The following CFAP44 variants were observed in gnomAD, a reference collection of about 807,000 sequenced individuals.
CFAP44 encodes the protein cilia and flagella associated protein 44.
Under a neutral mutation model 216.2 loss-of-function variants are expected in CFAP44, and 134 were observed. That is an observed-to-expected ratio of 0.62 (90% CI 0.54 to 0.72). The LOEUF (loss-of-function observed/expected upper bound fraction) is 0.72. CFAP44 is among the 30% of genes least tolerant of loss of function. The probability of loss-of-function intolerance (pLI) is 0.00; values close to 1 mark genes in which losing one functional copy is unlikely to be tolerated. For synonymous variants in CFAP44, 700 were observed against 727.6 expected (o/e 0.96, Z 0.61); for missense variants, 2,035 against 2,182.1 (o/e 0.93, Z 1.34).
intron 6 of CFAP44, among the ~76,000 whole-genome samples, chr3:113,412,954 C>T (rs1934531867): frequency 6.6e-6 from 1 of 152,176 alleles, no homozygotes; most frequent in Non-Finnish European, 1.5e-5. Context: ...GCCATACTGT[C>T]TTCAACAATG....
intron 15 of CFAP44, among the ~76,000 whole-genome samples, chr3:113,385,724 C>T (rs1933632801): frequency 6.6e-6 from 1 of 152,046 alleles, no homozygotes; most frequent in Non-Finnish European, 1.5e-5. Flanking sequence ...ACTGAAACCT[C>T]TGCCTCCCGG....
intron 26 of CFAP44, among the ~76,000 whole-genome samples, chr3:113,329,355 C>T (rs551495904): frequency 8.5e-5 from 13 of 152,122 alleles, no homozygotes; most frequent in Non-Finnish European, 1.6e-4. Flanking sequence ...GAAGTCATTA[C>T]TGGTAGAAGG....
At position 113,401,295 on chromosome 3, in the gene CFAP44, A is replaced by C. The variant is rs761366388; in HGVS notation, c.1327-8T>G. ...TATGGCTCCATTGGCATCCTAAAAA[A>C]ATTAAATAGTATTTTGTTTTATCAT... On this transcript the variant is annotated splice_polypyrimidine_tract_variant and splice_region_variant and intron_variant, in intron 10 of 34. Transcript: ENST00000393845. 1 of 1,578,518 alleles carries C rather than the reference A, an allele frequency of 6.3e-7. No homozygotes were observed. The highest frequency in any genetic ancestry group is 8.6e-7 in the Non-Finnish European group (1 of 1,168,856).
intron 15 of CFAP44, among the ~76,000 whole-genome samples, chr3:113,393,059 G>A (rs926375411): frequency 6.6e-6 from 1 of 152,068 alleles, no homozygotes. Flanking sequence ...TACATGGGAC[G>A]CACCCTTACC....
At chr3:113,424,276 A>C (rs541131097) in intron 4 of CFAP44, among the ~76,000 whole-genome samples, 1 of 152,224 alleles carries the variant, frequency 6.6e-6, no homozygotes, top group South Asian at 2.1e-4. Context: ...TCTCTACTAA[A>C]AATACAAAAA....
At chr3:113,316,773 G>A (rs1464749795) in intron 28 of CFAP44, among the ~76,000 whole-genome samples, 1 of 151,730 alleles carries the variant, frequency 6.6e-6, no homozygotes, top group African/African-American at 2.4e-5. Context: ...GGAGGCTGAG[G>A]CACAAGAATT....
rs527464628 is a variant in CFAP44, at chr3:113,387,362, G to C, written c.1891-6302C>G. Among the ~76,000 whole-genome samples, 9 of 152,274 alleles carry C rather than the reference G, an allele frequency of 5.9e-5. No individual in the cohort carries two copies. In the South Asian group the frequency reaches 1.2e-3, roughly 21 times the overall value. ...CTTGGATACCAGCTAAGCTACAGTA[G>C]GTAGGGCACCAGGAAGAGTTGTGAG... On this transcript the variant is annotated intron_variant, in intron 15 of 34. Transcript: ENST00000393845.
At chr3:113,375,058 T>G (rs911117501) in intron 17 of CFAP44, among the ~76,000 whole-genome samples, 1 of 152,182 alleles carries the variant, frequency 6.6e-6, no homozygotes, top group African/African-American at 2.4e-5. Context: ...TTGGGGAAAT[T>G]ATCCCAAGTG....
At position 113,305,259 on chromosome 3, in the gene CFAP44, G is replaced by C. The variant is rs1576538515; in HGVS notation, c.4759-107C>G. 12 of 915,250 alleles carry C rather than the reference G, an allele frequency of 1.3e-5. No individual in the cohort carries two copies. The East Asian group carries it at 3.2e-4, about 24-fold the overall frequency. The allele number at this position is 915,250 out of a possible 1,614,324, so 56.7% of individuals were successfully genotyped here. A position where few individuals can be genotyped will look rare whatever the true frequency, so the allele number is the denominator to read the frequency against. On this transcript the variant is annotated intron_variant, in intron 30 of 34. Coordinates refer to ENST00000393845, the MANE Select transcript of CFAP44 (RefSeq NM_001164496.2). ...AGGAAGTAAAGCATGAGCAGAATCT[G>C]CTTTGTTGGGCTGTGATTAAGTGCA...
chr3:113,333,344 G>A (rs1049437171), intron 25 of CFAP44, 62 bp downstream of exon 25: 1 of 1,419,816 alleles, frequency 7.0e-7, no homozygotes, highest in Non-Finnish European at 9.5e-7. Flanking sequence ...AGTGGTTTTA[G>A]CAGAATTTAA....
At chr3:113,306,364 A>G in intron 29 of CFAP44, 33 bp from the exon 30 acceptor site, 1 of 1,530,312 alleles carries the variant, frequency 6.5e-7, no homozygotes, top group African/African-American at 1.4e-5. Context: ...AACCAGCCTC[A>G]TTTGTTATGG....
At chr3:113,380,070 G>A (rs1382160564) in intron 16 of CFAP44, among the ~76,000 whole-genome samples, 1 of 151,822 alleles carries the variant, frequency 6.6e-6, no homozygotes, top group African/African-American at 2.4e-5. Flanking sequence ...AAGTTTTAGG[G>A]TACATGTGCA....
intron 22 of CFAP44, among the ~76,000 whole-genome samples, chr3:113,352,460 G>T (rs1182786333): frequency 2.0e-5 from 3 of 152,152 alleles, no homozygotes; most frequent in Non-Finnish European, 2.9e-5. Context: ...AAGTCAGCAA[G>T]ACCAAGAACC....
intron 17 of CFAP44, among the ~76,000 whole-genome samples, chr3:113,376,066 T>C (rs1286627868): frequency 6.6e-6 from 1 of 152,202 alleles, no homozygotes; most frequent in Non-Finnish European, 1.5e-5. Context: ...AACATAGTAC[T>C]TTTTTAAAAG....
chr3:113,415,982 T>G (rs908846487), intron 6 of CFAP44, among the ~76,000 whole-genome samples: 2 of 152,186 alleles, frequency 1.3e-5, no homozygotes, highest in African/African-American at 4.8e-5. Flanking sequence ...ACTACTATTG[T>G]GTGGGAGTCT....
rs889443170 is a variant in CFAP44 at position 113,363,025 on chromosome 3, T to C, written c.2934+120A>G. On this transcript the variant is annotated intron_variant, in intron 21 of 34. Coordinates refer to ENST00000393845, the MANE Select transcript of CFAP44 (RefSeq NM_001164496.2). ...CCCAAAATAAATGGCTATTGAAATT[T>C]TGAAAGAAACAAACAAAAAAGAAAG... 8 of 1,389,016 alleles carry C rather than the reference T, an allele frequency of 5.8e-6. No individual in the cohort carries two copies. The South Asian group carries it at 9.9e-5, about 17-fold the overall frequency. The allele number at this position is 1,389,016 out of a possible 1,614,324, so 86.0% of individuals were successfully genotyped here.
chr3:113,328,233 A>G lies in CFAP44; in HGVS notation c.4117-414T>C, dbSNP rs377241050. ...CCAACTTCTTATGTTGAAAATTTTC[A>G]AAACCACAGAATGGTAAATATTTTT... On this transcript the variant is annotated intron_variant, in intron 26 of 34. Coordinates refer to ENST00000393845, the MANE Select transcript of CFAP44 (RefSeq NM_001164496.2). Among the ~76,000 whole-genome samples the G allele has an allele frequency of 4.3e-3, 626 of 144,614 alleles. 7 individuals carry two copies. Among genetic ancestry groups the G allele is most frequent in the African/African-American group, 0.015 (599 of 39,806 alleles). 94.9% of individuals were successfully genotyped at this position (144,614 alleles called of 152,430 possible). A position where few individuals can be genotyped will look rare whatever the true frequency, so the allele number is the denominator to read the frequency against.
At chr3:113,394,002 T>C (rs1023955464) in intron 15 of CFAP44, among the ~76,000 whole-genome samples, 4 of 152,216 alleles carry the variant, frequency 2.6e-5, no homozygotes, top group African/African-American at 9.7e-5. Flanking sequence ...TTTATAGCCA[T>C]ACAAATAAAC....
chr3:113,399,423 T>TTGTCGGCACTCTGTAAA (rs1222280332), intron 13 of CFAP44, among the ~76,000 whole-genome samples: 1 of 144,536 alleles, frequency 6.9e-6, no homozygotes, highest in Non-Finnish European at 1.6e-5. Context: ...GTTCTTATAA[T>TTGTCGGCACTCTGTAAA]TATCTAACAT....
Sources: gnomAD v4.1 joint callset for allele counts (sites outside exome capture counted in the v4.1 genomes callset) on GRCh38, gnomAD v4.1.1 for gene constraint, MANE v1.5 for transcripts, NCBI Gene and HGNC (gene_info 2026-07-23, HGNC 2026-07-21) for gene names.